Variants in CLVS1 observed in about 807,000 individuals in gnomAD.
CLVS1 encodes the protein clavesin-1.
Under a neutral mutation model 33.1 loss-of-function variants are expected in CLVS1, and 10 were observed. That is an observed-to-expected ratio of 0.30 (90% CI 0.19 to 0.51). The LOEUF is 0.51. Ranked by LOEUF, CLVS1 falls within the 20% of genes least tolerant of loss-of-function variation. The probability of loss-of-function intolerance (pLI) is 0.97; values close to 1 mark genes in which losing one functional copy is unlikely to be tolerated. For synonymous variants in CLVS1, 163 were observed against 166.1 expected, an observed-to-expected ratio of 0.98 and a Z score of 0.14; for missense variants, 343 against 433.4, an observed-to-expected ratio of 0.79 and a Z score of 1.85.
chr8:61,059,475 C>CATATATAT (rs56322834), intron 1 of CLVS1, among the ~76,000 whole-genome samples: 793 of 50,188 alleles, frequency 0.016, 40 homozygotes, highest in South Asian at 0.057. Flanking sequence ...TACATACATA[C>CATATATAT]ATATATATAT....
intron 2 of CLVS1, among the ~76,000 whole-genome samples, chr8:61,260,187 C>G (rs3857973): frequency 6.6e-6 from 1 of 152,040 alleles, no homozygotes; most frequent in African/African-American, 2.4e-5. Context: ...ACATGCTATA[C>G]TTTGCTTATT....
chr8:61,340,017 AAAG>A (rs891918047), intron 2 of CLVS1, among the ~76,000 whole-genome samples: 1 of 151,294 alleles, frequency 6.6e-6, no homozygotes, highest in African/African-American at 2.4e-5. Flanking sequence ...GAAGAAAAAG[AAAG>A]AAAGGAAAAG....
At chr8:61,026,819 T>G in the CLVS1 span, among the ~76,000 whole-genome samples, 1 of 152,200 alleles carries the variant, frequency 6.6e-6, no homozygotes, top group Non-Finnish European at 1.5e-5. Context: ...GGAACAGAGT[T>G]AAACTCTGTG....
At chr8:61,277,618 T>C (rs1210013836) in intron 2 of CLVS1, among the ~76,000 whole-genome samples, 1 of 152,116 alleles carries the variant, frequency 6.6e-6, no homozygotes, top group Non-Finnish European at 1.5e-5. Flanking sequence ...CATTTGTTCT[T>C]CCCAACAAAT....
At chr8:61,035,187 C>CTTTTTTTTTTTTTTTTTTTTTTTTTCT in the CLVS1 span, among the ~76,000 whole-genome samples, 2 of 129,410 alleles carry the variant, frequency 1.5e-5, no homozygotes, top group African/African-American at 5.8e-5. Flanking sequence ...TTTCTTTTTT[C>CTTTTTTTTTTTTTTTTTTTTTTTTTCT]TTTTTTTTTT....
At chr8:61,325,521 T>C (rs894527794) in intron 2 of CLVS1, among the ~76,000 whole-genome samples, 3 of 152,178 alleles carry the variant, frequency 2.0e-5, no homozygotes, top group Non-Finnish European at 4.4e-5. Context: ...CTATGAGTCT[T>C]CCATTGTTCA....
intron 5 of CLVS1, among the ~76,000 whole-genome samples, chr8:61,477,278 T>TG (rs1817984552): frequency 2.6e-5 from 4 of 152,198 alleles, no homozygotes; most frequent in African/African-American, 9.7e-5. Flanking sequence ...GTTGTGTCTC[T>TG]GCCAGGCTTT....
chr8:61,334,716 T>G (rs1420875808), intron 2 of CLVS1, among the ~76,000 whole-genome samples: 8 of 151,476 alleles, frequency 5.3e-5, no homozygotes, highest in Non-Finnish European at 8.8e-5. Context: ...AGGGGAGGGG[T>G]GGGCAGCTGA....
chr8:61,268,225 T>C (rs917911166), intron 2 of CLVS1, among the ~76,000 whole-genome samples: 6 of 143,594 alleles, frequency 4.2e-5, no homozygotes, highest in Admixed American at 1.5e-4. Flanking sequence ...GTCCATGTGA[T>C]CTCATTGTTC....
At chr8:61,297,770 G>A (rs1810271337) in intron 1 of CLVS1, among the ~76,000 whole-genome samples, 1 of 152,028 alleles carries the variant, frequency 6.6e-6, no homozygotes, top group Non-Finnish European at 1.5e-5. Flanking sequence ...AGTAGAGAGG[G>A]ACAAAGGGCT....
At chr8:61,373,168 C>G (rs773072494) in intron 2 of CLVS1, among the ~76,000 whole-genome samples, 3 of 152,044 alleles carry the variant, frequency 2.0e-5, no homozygotes, top group Non-Finnish European at 4.4e-5. Context: ...AGGAAAACAA[C>G]GAGGAAATTC....
At chr8:61,110,242 G>A (rs951106401) in intron 1 of CLVS1, among the ~76,000 whole-genome samples, 1 of 152,210 alleles carries the variant, frequency 6.6e-6, no homozygotes, top group Non-Finnish European at 1.5e-5. Context: ...TCTCAAGTAG[G>A]GGTAAATTCT....
At chr8:61,168,954 T>A (rs1461971971) in intron 2 of CLVS1, among the ~76,000 whole-genome samples, 1 of 152,238 alleles carries the variant, frequency 6.6e-6, no homozygotes, top group Non-Finnish European at 1.5e-5. Context: ...TTCTTTTGCT[T>A]CCATAGACAA....
At chr8:61,265,564 A>G (rs950541554) in intron 2 of CLVS1, among the ~76,000 whole-genome samples, 6 of 152,208 alleles carry the variant, frequency 3.9e-5, no homozygotes, top group African/African-American at 1.4e-4. Flanking sequence ...TGATTTTCCC[A>G]CAACACCTAG....
the CLVS1 span, among the ~76,000 whole-genome samples, chr8:61,040,534 C>CTA: frequency 6.6e-6 from 1 of 152,190 alleles, no homozygotes; most frequent in South Asian, 2.1e-4. Context: ...GCCATTCTGA[C>CTA]TGGTGTGAGA....
chr8:60,969,622 C>G, the CLVS1 span, among the ~76,000 whole-genome samples: 1 of 152,054 alleles, frequency 6.6e-6, no homozygotes, highest in Non-Finnish European at 1.5e-5. Context: ...GGGGTCAGTT[C>G]AGTCAGTTGG....
intron 5 of CLVS1, chr8:61,464,616 G>A (rs1817482250): frequency 6.6e-6 from 1 of 152,232 alleles, no homozygotes. Context: ...CCATGTGGAA[G>A]GTTTGGCTGA....
chr8:61,146,736 G>T (rs1806425632), intron 2 of CLVS1, among the ~76,000 whole-genome samples: 1 of 152,230 alleles, frequency 6.6e-6, no homozygotes. Context: ...TGGATTGGGG[G>T]TGTCCCCAGC....
At chr8:61,484,939 T>C (rs1438429899) in intron 5 of CLVS1, among the ~76,000 whole-genome samples, 2 of 152,114 alleles carry the variant, frequency 1.3e-5, no homozygotes, top group Admixed American at 1.3e-4. Flanking sequence ...ATACAAAAAT[T>C]AATTCAAGAT....
Sources: gnomAD v4.1 joint callset for allele counts (sites outside exome capture counted in the v4.1 genomes callset) on GRCh38, gnomAD v4.1.1 for gene constraint, MANE v1.5 for transcripts, NCBI Gene and HGNC (gene_info 2026-07-23, HGNC 2026-07-21) for gene names.